LIPA: variants seen among roughly 807,000 people sequenced by gnomAD.
LIPA encodes the protein lysosomal acid lipase/cholesteryl ester hydrolase.
Under a neutral mutation model 40.6 loss-of-function variants are expected in LIPA, and 26 were observed. The ratio of observed to expected loss-of-function variants is 0.64; its 90% CI spans 0.47 to 0.89. The LOEUF is 0.89. LIPA is among the 40% of genes least tolerant of loss of function. LIPA has a pLI of 0.00. For missense variants in LIPA, 455 were observed against 479.6 expected, an observed-to-expected ratio of 0.95 and a Z score of 0.48; for synonymous variants, 188 against 168.4, an observed-to-expected ratio of 1.12 and a Z score of -0.90.
At chr10:89,379,558 T>C (rs1844145728) in intron 2 of LIPA, among the ~76,000 whole-genome samples, 1 of 152,188 alleles carries the variant, frequency 6.6e-6, no homozygotes, top group African/African-American at 2.4e-5. Flanking sequence ...AGTTCTCCCA[T>C]CTGATGTTGC....
chr10:89,408,928 T>A (rs954280952), intron 2 of LIPA, among the ~76,000 whole-genome samples: 2 of 152,150 alleles, frequency 1.3e-5, no homozygotes, highest in African/African-American at 4.8e-5. Flanking sequence ...ACTCAGATCA[T>A]GGGGACTGGA....
At chr10:89,386,312 A>G (rs1054440515) in intron 2 of LIPA, among the ~76,000 whole-genome samples, 1 of 152,206 alleles carries the variant, frequency 6.6e-6, no homozygotes, top group African/African-American at 2.4e-5. Flanking sequence ...GGAGTGACCA[A>G]TGATGGAGAT....
chr10:89,402,875 A>AT (rs773803377), intron 2 of LIPA: 1 of 1,614,166 alleles, frequency 6.2e-7, no homozygotes, highest in Non-Finnish European at 8.5e-7. Context: ...ATCACAAGCC[A>AT]TTTTCTTTGC....
chr10:89,403,023 C>A (rs143282408), intron 2 of LIPA: 1 of 1,614,242 alleles, frequency 6.2e-7, no homozygotes, highest in South Asian at 1.1e-5. Context: ...CATGTCCTCA[C>A]AGACCTATGT....
intron 1 of LIPA, chr10:89,339,867 T>G (rs1199162071): frequency 6.2e-7 from 1 of 1,614,210 alleles, no homozygotes; most frequent in Admixed American, 1.7e-5. Flanking sequence ...AACCACAGAA[T>G]GTATCTGAAA....
chr10:89,328,197 T>C (rs1843617558), intron 1 of LIPA: 2 of 1,024,008 alleles, frequency 2.0e-6, no homozygotes, highest in African/African-American at 1.6e-5. Context: ...AATATGTCTT[T>C]ATCAGTCTGA....
chr10:89,251,542 G>T (rs751996938), intron 1 of LIPA, among the ~76,000 whole-genome samples, 195 bp downstream of exon 1: 1 of 152,216 alleles, frequency 6.6e-6, no homozygotes, highest in Non-Finnish European at 1.5e-5. Flanking sequence ...AAGTTGCCCT[G>T]GTTGATTGGC....
chr10:89,282,414 G>C (rs1454588098), intron 1 of LIPA, among the ~76,000 whole-genome samples: 1 of 151,972 alleles, frequency 6.6e-6, no homozygotes, highest in Non-Finnish European at 1.5e-5. Context: ...GAGGCAGGCA[G>C]ATTACCTGAG....
intron 1 of LIPA, among the ~76,000 whole-genome samples, chr10:89,313,526 T>C (rs1843526418): frequency 6.6e-6 from 1 of 152,202 alleles, no homozygotes; most frequent in Non-Finnish European, 1.5e-5. Context: ...GACCCAGCAA[T>C]TCCATTCCTA....
At chr10:89,384,188 G>A (rs1452196858) in intron 2 of LIPA, 3 of 1,613,996 alleles carry the variant, frequency 1.9e-6, no homozygotes, top group Non-Finnish European at 2.5e-6. Flanking sequence ...CACCAAATGG[G>A]GCTTTGCTAC....
At chr10:89,365,809 C>T (rs563651627) in intron 2 of LIPA, among the ~76,000 whole-genome samples, 2 of 152,230 alleles carry the variant, frequency 1.3e-5, no homozygotes, top group East Asian at 1.9e-4. Context: ...CATTGGTGTA[C>T]ATCTCTGTTT....
intron 8 of LIPA, among the ~76,000 whole-genome samples, chr10:89,219,827 G>C (rs538371128): frequency 2.4e-4 from 36 of 152,356 alleles, no homozygotes; most frequent in Non-Finnish European, 4.3e-4. Context: ...ACTGACAAAA[G>C]ATGGTACAGC....
chr10:89,289,093 G>A (rs938417510), intron 1 of LIPA, among the ~76,000 whole-genome samples: 3 of 152,192 alleles, frequency 2.0e-5, no homozygotes, highest in Non-Finnish European at 4.4e-5. Context: ...GTCCTTCACG[G>A]CCAGTTTTTC....
intron 2 of LIPA, among the ~76,000 whole-genome samples, chr10:89,390,660 A>T (rs915668876): frequency 3.3e-5 from 5 of 151,284 alleles, no homozygotes; most frequent in African/African-American, 1.2e-4. Flanking sequence ...ATGCTGTTCT[A>T]TCCTGTGTCC....
intron 1 of LIPA, chr10:89,338,509 C>A: frequency 1.4e-6 from 1 of 717,680 alleles, no homozygotes; most frequent in Non-Finnish European, 2.3e-6. Flanking sequence ...TCATGTCTTC[C>A]AGAAACAACC....
At chr10:89,226,332 G>T (rs527908494) in intron 5 of LIPA, among the ~76,000 whole-genome samples, 2 of 152,178 alleles carry the variant, frequency 1.3e-5, no homozygotes, top group South Asian at 2.1e-4. Context: ...TTAAAAGGGA[G>T]AATTAAATAA....
At chr10:89,226,641 C>T (rs1842773325) in intron 5 of LIPA, among the ~76,000 whole-genome samples, 1 of 152,190 alleles carries the variant, frequency 6.6e-6, no homozygotes, top group East Asian at 1.9e-4. Context: ...TCTCTCACAT[C>T]CCTATCTTGC....
intron 2 of LIPA, 39 bp downstream of exon 2, chr10:89,247,499 T>C (rs1284218131): frequency 8.3e-7 from 1 of 1,203,690 alleles, no homozygotes; most frequent in Non-Finnish European, 1.2e-6. Flanking sequence ...ATCGGGGAAA[T>C]AGATGCATTT....
At chr10:89,384,144 C>A in intron 2 of LIPA, 2 of 1,614,154 alleles carry the variant, frequency 1.2e-6, no homozygotes, top group Non-Finnish European at 8.5e-7. Context: ...TAAAAATGGC[C>A]TTGGAGACAA....
Sources: allele counts gnomAD v4.1 joint callset (sites outside exome capture counted in the v4.1 genomes callset), GRCh38; gene constraint gnomAD v4.1.1; transcripts MANE v1.5; gene names NCBI Gene and HGNC (gene_info 2026-07-23, HGNC 2026-07-21).